PIBF1: variants seen among roughly 807,000 people sequenced by gnomAD.
PIBF1 encodes the protein progesterone-induced-blocking factor 1.
A neutral mutation model predicts 112.5 loss-of-function variants in PIBF1; 90 were observed. The ratio of observed to expected loss-of-function variants is 0.80; its 90% CI spans 0.67 to 0.95. PIBF1 has a LOEUF of 0.95. Among genes scored for constraint, PIBF1 ranks in the 40% least tolerant of loss-of-function variants. The probability of loss-of-function intolerance (pLI) is 0.00; values close to 1 mark genes in which losing one functional copy is unlikely to be tolerated. For missense variants in PIBF1, 915 were observed against 852.3 expected (o/e 1.07, Z -0.92); for synonymous variants, 301 against 288.6 (o/e 1.04, Z -0.44).
intron 10 of PIBF1, among the ~76,000 whole-genome samples, chr13:72,879,972 A>T (rs537415105): frequency 1.3e-3 from 198 of 152,308 alleles, no homozygotes; most frequent in African/African-American, 4.6e-3. Flanking sequence ...TTGGCCCACA[A>T]AGCCTAAAAT....
At chr13:72,874,567 C>T (rs1253664474) in intron 10 of PIBF1, among the ~76,000 whole-genome samples, 2 of 152,056 alleles carry the variant, frequency 1.3e-5, no homozygotes, top group Non-Finnish European at 2.9e-5. Flanking sequence ...TGCCAAGAGC[C>T]AGGGGTGGAA....
chr13:72,869,867 T>G (rs1039469099), intron 10 of PIBF1, among the ~76,000 whole-genome samples: 1 of 151,986 alleles, frequency 6.6e-6, no homozygotes, highest in African/African-American at 2.4e-5. Flanking sequence ...CAGTATTGAC[T>G]TAAATGGCTC....
At chr13:72,860,790 CTT>C (rs1566370942) in intron 10 of PIBF1, among the ~76,000 whole-genome samples, 2 of 152,040 alleles carry the variant, frequency 1.3e-5, no homozygotes, top group Non-Finnish European at 2.9e-5. Flanking sequence ...TACTCAAAGA[CTT>C]TTCTTTTCTA....
At chr13:72,887,348 G>A (rs946824609) in intron 10 of PIBF1, among the ~76,000 whole-genome samples, 10 of 151,866 alleles carry the variant, frequency 6.6e-5, no homozygotes, top group African/African-American at 1.9e-4. Context: ...ATATGTGTGT[G>A]AATATAGTTT....
intron 11 of PIBF1, among the ~76,000 whole-genome samples, chr13:72,906,361 G>C (rs11840360): frequency 0.2 from 31,036 of 151,890 alleles, 3,270 homozygotes; most frequent in Middle Eastern, 0.26. Context: ...TTATTCAAAG[G>C]AAGGAAAATT....
intron 14 of PIBF1, among the ~76,000 whole-genome samples, chr13:72,964,552 A>G (rs2042689918): frequency 6.6e-6 from 1 of 152,224 alleles, no homozygotes; most frequent in Admixed American, 6.5e-5. Context: ...TAAATTATGT[A>G]TTTTTAAAAC....
chr13:72,873,406 CT>C (rs548463097), intron 10 of PIBF1, among the ~76,000 whole-genome samples: 9 of 151,080 alleles, frequency 6.0e-5, no homozygotes, highest in Admixed American at 4.0e-4. Context: ...AACTTGTTTT[CT>C]TTTTTTTTGA....
chr13:72,842,009 A>G (rs542076189), intron 9 of PIBF1, among the ~76,000 whole-genome samples: 2 of 152,318 alleles, frequency 1.3e-5, no homozygotes, highest in East Asian at 3.9e-4. Flanking sequence ...TCATTAGAAG[A>G]TACTAATACA....
intron 14 of PIBF1, among the ~76,000 whole-genome samples, chr13:72,956,121 G>A (rs367570069): frequency 3.3e-5 from 5 of 152,076 alleles, no homozygotes; most frequent in Admixed American, 6.6e-5. Flanking sequence ...TGTGTGACTC[G>A]TCCTGCTTGG....
chr13:72,928,124 A>G (rs2041588862), intron 13 of PIBF1, among the ~76,000 whole-genome samples: 1 of 149,860 alleles, frequency 6.7e-6, no homozygotes, highest in Admixed American at 6.7e-5. Flanking sequence ...AACCCCATAT[A>G]TACTGGAGAC....
chr13:72,888,001 AT>A (rs1249610754), intron 10 of PIBF1, among the ~76,000 whole-genome samples: 4 of 152,112 alleles, frequency 2.6e-5, no homozygotes, highest in African/African-American at 9.7e-5. Context: ...CAATTCAGTT[AT>A]TTTACAGCAC....
intron 11 of PIBF1, among the ~76,000 whole-genome samples, chr13:72,904,680 A>T (rs1442487341): frequency 6.6e-6 from 1 of 151,620 alleles, no homozygotes; most frequent in Admixed American, 6.6e-5. Flanking sequence ...ACCTCAGGTG[A>T]TCCACTTGCC....
chr13:73,015,819 G>T (rs774200316), intron 17 of PIBF1, 50 bp from the exon 18 acceptor site: 3 of 1,168,944 alleles, frequency 2.6e-6, no homozygotes, highest in South Asian at 1.4e-5. Context: ...TGCCTCTCTT[G>T]TCCTCCTTGT....
rs556909958 is a variant in PIBF1 at position 72,784,622 on chromosome 13, G to A, written c.252+901G>A. Among the ~76,000 whole-genome samples, 3 of 151,904 alleles carry A rather than the reference G, an allele frequency of 2.0e-5. No individual in the cohort carries two copies. The South Asian group carries it at 6.3e-4, about 32-fold the overall frequency. Reference sequence around the variant, plus strand: ...TAAAAAAATAAAATAGCCCCGCGTAGTGGTGCTGCGCCTGCAGGCCCAGCT... The same window carrying A: ...TAAAAAAATAAAATAGCCCCGCGTAATGGTGCTGCGCCTGCAGGCCCAGCT... On this transcript the variant is annotated intron_variant, in intron 2 of 17. Transcript: ENST00000326291.
At chr13:72,822,205 A>G (rs2036589510) in intron 6 of PIBF1, among the ~76,000 whole-genome samples, 1 of 152,216 alleles carries the variant, frequency 6.6e-6, no homozygotes, top group Non-Finnish European at 1.5e-5. Flanking sequence ...AAACAGAGAT[A>G]GAAACCCAGT....
chr13:72,878,003 C>G (rs1361382541), intron 10 of PIBF1, among the ~76,000 whole-genome samples: 1 of 152,102 alleles, frequency 6.6e-6, no homozygotes, highest in Non-Finnish European at 1.5e-5. Flanking sequence ...CCCACCTCGG[C>G]CTCCCAAAGT....
chr13:72,851,985 C>T (rs1379653116), intron 9 of PIBF1, among the ~76,000 whole-genome samples: 1 of 152,172 alleles, frequency 6.6e-6, no homozygotes, highest in Non-Finnish European at 1.5e-5. Flanking sequence ...AGGAGCTACC[C>T]ATTCCAGATC....
At chr13:72,825,658 C>A (rs1019315275) in intron 6 of PIBF1, among the ~76,000 whole-genome samples, 1 of 152,068 alleles carries the variant, frequency 6.6e-6, no homozygotes, top group African/African-American at 2.4e-5. Context: ...AAGACACCTG[C>A]ATATATTCAC....
chr13:72,835,510 A>C (rs1295855570), intron 9 of PIBF1, 142 bp downstream of exon 9: 5 of 584,494 alleles, frequency 8.6e-6, no homozygotes, highest in Non-Finnish European at 1.4e-5. Context: ...ATCTAAGTAT[A>C]ATGAGAACAT....
Sources: allele counts gnomAD v4.1 joint callset (sites outside exome capture counted in the v4.1 genomes callset), GRCh38; gene constraint gnomAD v4.1.1; transcripts MANE v1.5; gene names NCBI Gene and HGNC (gene_info 2026-07-23, HGNC 2026-07-21).